Variants in CASD1 observed in about 807,000 individuals in gnomAD.
The protein encoded by CASD1 is N-acetylneuraminate (7)9-O-acetyltransferase.
Under a neutral mutation model 100.0 loss-of-function variants are expected in CASD1, and 41 were observed. That is an observed-to-expected ratio of 0.41 (90% confidence interval 0.32 to 0.53). CASD1 has a LOEUF of 0.53. Ranked by LOEUF, CASD1 falls within the 20% of genes least tolerant of loss-of-function variation. The pLI, the probability that CASD1 is intolerant of heterozygous loss-of-function variation, is 0.25. For missense variants in CASD1, 774 were observed against 948.7 expected (o/e 0.82, Z 2.42); for synonymous variants, 321 against 315.6 (o/e 1.02, Z -0.18).
Position 94,510,198 on chromosome 7 carries a change from C to G in CASD1, c.114C>G (p.Leu38=). Residue 38 remains leucine, a synonymous_variant, in exon 1 of 18, where the codon CTC becomes CTG. Transcript: ENST00000297273. ...VAVLLLAACH[L]ASRRYRGNDS... is the part of the protein sequence containing the mutation. ...TGCTGCTGCTCGCAGCGTGCCACCTCGCCTCCCGCCGCTACCGAGGTGAGC... is the reference window on the plus strand; with the variant it reads ...TGCTGCTGCTCGCAGCGTGCCACCTGGCCTCCCGCCGCTACCGAGGTGAGC... 2 of 1,472,648 alleles carry G rather than the reference C, an allele frequency of 1.4e-6. No homozygotes were observed. Among genetic ancestry groups the G allele is most frequent in the South Asian group, 1.4e-5 (1 of 71,662 alleles). The allele number at this position is 1,472,648 out of a possible 1,614,324, so 91.2% of individuals were successfully genotyped here.
At chr7:94,520,811 G>T (rs955065818) in intron 3 of CASD1, among the ~76,000 whole-genome samples, 1 of 151,882 alleles carries the variant, frequency 6.6e-6, no homozygotes, top group African/African-American at 2.4e-5. Context: ...CAAAAATAAG[G>T]CCGGGTGTGG....
At chr7:94,586,061 G>GAAA in the CASD1 span, among the ~76,000 whole-genome samples, 164 of 28,904 alleles carry the variant, frequency 5.7e-3, 18 homozygotes, top group African/African-American at 8.6e-3. Context: ...GGAACTAAAT[G>GAAA]AAAAAAAAAA....
the CASD1 span, chr7:94,598,665 C>A: frequency 1.2e-6 from 1 of 827,434 alleles, no homozygotes; most frequent in Non-Finnish European, 2.1e-6. Context: ...TTGTTATTTT[C>A]TCTTCCAGTT....
At chr7:94,625,551 T>C in the CASD1 span, 1 of 152,118 alleles carries the variant, frequency 6.6e-6, no homozygotes, top group Non-Finnish European at 1.5e-5. Context: ...TAACGATCCA[T>C]TCATTTAAAA....
intron 10 of CASD1, 43 bp downstream of exon 10, chr7:94,539,099 G>A: frequency 8.2e-7 from 1 of 1,218,448 alleles, no homozygotes; most frequent in Non-Finnish European, 1.2e-6. Context: ...AGGAAGTGAT[G>A]TCATTTTAAT....
At chr7:94,550,833 G>A (rs1795911404) in intron 14 of CASD1, among the ~76,000 whole-genome samples, 1 of 152,092 alleles carries the variant, frequency 6.6e-6, no homozygotes, top group South Asian at 2.1e-4. Flanking sequence ...TGCAATGATA[G>A]TTCACATTAA....
the CASD1 span, among the ~76,000 whole-genome samples, chr7:94,578,062 G>C: frequency 6.6e-6 from 1 of 152,140 alleles, no homozygotes; most frequent in African/African-American, 2.4e-5. Context: ...TTCTTACCAA[G>C]ATTCTACTGT....
the CASD1 span, chr7:94,621,872 AG>A: frequency 1.3e-5 from 2 of 152,330 alleles, no homozygotes; most frequent in Non-Finnish European, 2.9e-5. Context: ...GGAGTGGCAG[AG>A]TGGACAGGGA....
chr7:94,533,173 T>G (rs1202813545), intron 5 of CASD1, 32 bp from the exon 6 acceptor site: 1 of 1,559,246 alleles, frequency 6.4e-7, no homozygotes, highest in Non-Finnish European at 8.8e-7. Flanking sequence ...GAACTGATTA[T>G]AATACTATGA....
At chr7:94,528,084 GTTTTAC>G (rs1176786689) in intron 4 of CASD1, 98 bp from the exon 5 acceptor site, 4 of 783,482 alleles carry the variant, frequency 5.1e-6, no homozygotes, top group East Asian at 2.5e-5. Flanking sequence ...ACAAGGTAGT[GTTTTAC>G]TTTTAAGTAC....
intron 1 of CASD1, among the ~76,000 whole-genome samples, chr7:94,514,889 C>A (rs980214819): frequency 1.3e-5 from 2 of 151,658 alleles, no homozygotes; most frequent in African/African-American, 2.4e-5. Flanking sequence ...AAATAACAAC[C>A]GAAGTTTTGT....
the CASD1 span, chr7:94,619,627 TC>T: frequency 2.0e-5 from 3 of 152,242 alleles, no homozygotes; most frequent in African/African-American, 7.2e-5. Flanking sequence ...CTAATTGTTC[TC>T]TTACGATAAA....
chr7:94,623,272 A>G, the CASD1 span: 1 of 1,128,854 alleles, frequency 8.9e-7, no homozygotes, highest in Non-Finnish European at 1.3e-6. Context: ...GTTATAAAAC[A>G]TAATGAAATA....
In CASD1 at chr7:94,548,903, G is replaced by A. The variant is rs951608242; in HGVS notation, c.1714-630G>A. The stretch of plus-strand genomic sequence containing the variant: ...CAATCCCAGATTTTCCAACCTGTCA[G>A]ATTCATAAGAGGGTACTATTCACTA... On this transcript the variant is annotated intron_variant, in intron 13 of 17. Transcript: ENST00000297273. Among the ~76,000 whole-genome samples, 5 of 151,896 alleles carry A rather than the reference G, an allele frequency of 3.3e-5. No homozygotes were observed. The South Asian group carries it at 1.0e-3, about 31-fold the overall frequency.
chr7:94,588,078 C>A, the CASD1 span: 1 of 1,322,400 alleles, frequency 7.6e-7, no homozygotes, highest in Non-Finnish European at 9.6e-7. Flanking sequence ...AATAAGTTAT[C>A]TACTCAGTAT....
rs116689012 is a variant in CASD1 at position 94,525,197 on chromosome 7, C to T, written c.352-1965C>T. On this transcript the variant is annotated intron_variant, in intron 3 of 17. Transcript: ENST00000297273. ...TTAATGGTTGGTAAAAGGTTTTGGG[C>T]GTTCGTTTAATTCTGTCAGCTTTGC... 1.6e-3 allele frequency among the ~76,000 whole-genome samples: 242 copies of T among 152,098 alleles called. 1 individual carries two copies. Among genetic ancestry groups the T allele is most frequent in the African/African-American group, 5.1e-3 (212 of 41,510 alleles).
chr7:94,570,011 C>T, the CASD1 span, among the ~76,000 whole-genome samples: 1 of 151,900 alleles, frequency 6.6e-6, no homozygotes, highest in Non-Finnish European at 1.5e-5. Context: ...GACAGGGTTT[C>T]ACCATGTTAG....
the CASD1 span, among the ~76,000 whole-genome samples, chr7:94,564,303 G>A: frequency 6.6e-6 from 1 of 152,188 alleles, no homozygotes; most frequent in Admixed American, 6.6e-5. Flanking sequence ...TATTCCTCAA[G>A]ATCCATCTGG....
chr7:94,604,533 AACAG>A, the CASD1 span, among the ~76,000 whole-genome samples: 10 of 151,530 alleles, frequency 6.6e-5, no homozygotes, highest in Admixed American at 5.9e-4. Flanking sequence ...CGGGCATAGG[AACAG>A]ACAGACAGAT....
Sources: allele counts gnomAD v4.1 joint callset (sites outside exome capture counted in the v4.1 genomes callset), GRCh38; gene constraint gnomAD v4.1.1; transcripts MANE v1.5; gene names NCBI Gene and HGNC (gene_info 2026-07-23, HGNC 2026-07-21).